Variants in TNPO1 observed in about 807,000 individuals in gnomAD.
TNPO1 encodes the protein transportin-1.
TNPO1 carries 8 observed loss-of-function variants against 119.5 expected under a neutral mutation model. The observed-to-expected ratio is 0.07, with a 90% CI of 0.04 to 0.12. The LOEUF (loss-of-function observed/expected upper bound fraction) is 0.12. Among genes scored for constraint, TNPO1 ranks in the 10% least tolerant of loss-of-function variants. The pLI, the probability that TNPO1 is intolerant of heterozygous loss-of-function variation, is 1.00. For missense variants in TNPO1, 576 were observed against 1,089.8 expected, an observed-to-expected ratio of 0.53 and a Z score of 6.64; for synonymous variants, 362 against 363.0, an observed-to-expected ratio of 1.00 and a Z score of 0.03.
intron 2 of TNPO1, 74 bp from the exon 3 acceptor site, chr5:72,851,170 A>T (rs1024434346): frequency 2.1e-6 from 2 of 932,912 alleles, no homozygotes; most frequent in Non-Finnish European, 3.4e-6. Context: ...GAGATCCTTG[A>T]TTTTTAGATT....
intron 4 of TNPO1, among the ~76,000 whole-genome samples, chr5:72,856,839 T>G (rs1252428783): frequency 6.6e-6 from 1 of 152,190 alleles, no homozygotes; most frequent in Non-Finnish European, 1.5e-5. Flanking sequence ...CAACTGGCTA[T>G]TGGTTAACAC....
intron 13 of TNPO1, 37 bp from the exon 14 acceptor site, chr5:72,889,749 C>G (rs755095189): frequency 6.5e-7 from 1 of 1,541,620 alleles, no homozygotes; most frequent in Admixed American, 2.2e-5. Flanking sequence ...ATATATCTTA[C>G]AGTCAATAAG....
rs1234529430 is a variant in TNPO1 at position 72,848,254 on chromosome 5, C to T, written c.16-131C>T. ...TTCCTTCGGGGCACCTCAGGCAGGT[C>T]CGCGGCGTTTGGGGAGCGCTGGGGT... On this transcript the variant is annotated intron_variant, in intron 1 of 24. Coordinates refer to ENST00000337273, the MANE Select transcript of TNPO1 (RefSeq NM_002270.4). 3.8e-6 allele frequency: 5 copies of T among 1,305,372 alleles called. No individual in the cohort carries two copies. The East Asian group carries it at 9.5e-5, about 25-fold the overall frequency. 80.9% of individuals were successfully genotyped at this position (1,305,372 alleles called of 1,614,324 possible). A position where few individuals can be genotyped will look rare whatever the true frequency, so the allele number is the denominator to read the frequency against.
intron 12 of TNPO1, 44 bp downstream of exon 12, chr5:72,887,266 T>C (rs772990174): frequency 1.7e-6 from 2 of 1,152,380 alleles, no homozygotes; most frequent in Admixed American, 2.2e-5. Context: ...GGCTTCTTAC[T>C]ACTATTAGGT....
At chr5:72,882,047 A>G (rs1210831012) in intron 9 of TNPO1, among the ~76,000 whole-genome samples, 2 of 152,200 alleles carry the variant, frequency 1.3e-5, no homozygotes, top group Non-Finnish European at 2.9e-5. Flanking sequence ...GAAATTGTTG[A>G]TAAAGATCAT....
At chr5:72,882,574 C>A in intron 10 of TNPO1, 47 bp downstream of exon 10, 1 of 1,352,232 alleles carries the variant, frequency 7.4e-7, no homozygotes, top group Non-Finnish European at 1.0e-6. Context: ...TTTATATTGA[C>A]TTAGTACATC....
intron 3 of TNPO1, among the ~76,000 whole-genome samples, chr5:72,855,402 A>T (rs889564176): frequency 1.3e-5 from 2 of 152,182 alleles, no homozygotes; most frequent in African/African-American, 4.8e-5. Context: ...AACGAAATTA[A>T]CTCTTAAATC....
chr5:72,824,154 C>T (rs1250273727), intron 1 of TNPO1, among the ~76,000 whole-genome samples: 1 of 152,110 alleles, frequency 6.6e-6, no homozygotes. Context: ...GTACTAGGCC[C>T]CATTCTCTCT....
Position 72,887,131 on chromosome 5 carries a change from A to G in TNPO1, c.1212A>G (p.Pro404=), listed in dbSNP as rs1163051239. 1 of 1,614,058 alleles carries G rather than the reference A, an allele frequency of 6.2e-7. No individual in the cohort carries two copies. Among genetic ancestry groups the G allele is most frequent in the Admixed American group, 1.7e-5 (1 of 60,020 alleles). Residue 404 remains proline, a synonymous_variant, in exon 12 of 25, where the codon CCA becomes CCG. Coordinates refer to ENST00000337273, the MANE Select transcript of TNPO1 (RefSeq NM_002270.4). ...ATGTGTATCGTGATGAACTGCTGCC[A>G]CATATTTTGCCCCTTTTGAAAGAAT... is the stretch of plus-strand genomic sequence containing the variant. ...LANVYRDELL[P]HILPLLKELL...
intron 4 of TNPO1, among the ~76,000 whole-genome samples, chr5:72,858,868 GT>G (rs1204100902): frequency 6.6e-6 from 1 of 150,460 alleles, no homozygotes; most frequent in Admixed American, 6.6e-5. Context: ...GTATTTTATA[GT>G]TTTGTTGTTG....
chr5:72,851,492 CT>C (rs1228622495), intron 3 of TNPO1, among the ~76,000 whole-genome samples, 173 bp downstream of exon 3: 5 of 151,762 alleles, frequency 3.3e-5, no homozygotes, highest in Admixed American at 6.6e-5. Flanking sequence ...ATAAGAATTC[CT>C]TTTTTTTAAT....
chr5:72,826,018 T>C (rs929567399), intron 1 of TNPO1, among the ~76,000 whole-genome samples: 2 of 152,126 alleles, frequency 1.3e-5, no homozygotes, highest in African/African-American at 4.8e-5. Context: ...GTTCTCCCCT[T>C]ACTCACTGGC....
chr5:72,870,157 GC>G (rs1416478938), intron 6 of TNPO1, among the ~76,000 whole-genome samples: 7 of 64,148 alleles, frequency 1.1e-4, no homozygotes, highest in Admixed American at 1.0e-3. Flanking sequence ...AATACTAATT[GC>G]TTTTTTTTTT....
chr5:72,882,348 C>G, intron 9 of TNPO1, 119 bp from the exon 10 acceptor site: 1 of 670,534 alleles, frequency 1.5e-6, no homozygotes, highest in Non-Finnish European at 2.5e-6. Flanking sequence ...TGAATAAGTT[C>G]AAAGACAATA....
At chr5:72,827,929 AAAAG>A (rs1313661763) in intron 1 of TNPO1, among the ~76,000 whole-genome samples, 1 of 152,044 alleles carries the variant, frequency 6.6e-6, no homozygotes, top group Non-Finnish European at 1.5e-5. Context: ...AAAAAAAAAA[AAAAG>A]AGTTTTCTTT....
At chr5:72,901,597 T>C (rs1228769446) in intron 22 of TNPO1, among the ~76,000 whole-genome samples, 2 of 152,234 alleles carry the variant, frequency 1.3e-5, no homozygotes, top group Non-Finnish European at 2.9e-5. Flanking sequence ...TTTTAATTAT[T>C]CGGCAGTAGT....
chr5:72,853,189 G>T (rs1580396215), intron 3 of TNPO1, among the ~76,000 whole-genome samples: 1 of 152,138 alleles, frequency 6.6e-6, no homozygotes, highest in Non-Finnish European at 1.5e-5. Flanking sequence ...GGTGGCTCAC[G>T]CCTGTAATCC....
chr5:72,848,219 T>C, intron 1 of TNPO1, 166 bp from the exon 2 acceptor site: 1 of 1,244,022 alleles, frequency 8.0e-7, no homozygotes, highest in South Asian at 2.5e-5. Context: ...CGGGTTTCAC[T>C]GTCCGTGACT....
chr5:72,906,418 A>G lies in TNPO1; in HGVS notation c.*35+973A>G, dbSNP rs575138433. Among the ~76,000 whole-genome samples, 207 of 148,718 alleles carry G rather than the reference A, an allele frequency of 1.4e-3. 1 individual carries two copies. Among genetic ancestry groups the G allele is most frequent in the African/African-American group, 4.9e-3 (197 of 40,256 alleles). ...GCAATTCTCCTGCCCGAGCCTCCCA[A>G]GTAGCTGGCATTACAGGCACATGCC... is the stretch of plus-strand genomic sequence containing the variant. On this transcript the variant is annotated intron_variant, in intron 24 of 24. Coordinates refer to ENST00000337273, the MANE Select transcript of TNPO1 (RefSeq NM_002270.4).
Sources: gnomAD v4.1 joint callset for allele counts (sites outside exome capture counted in the v4.1 genomes callset) on GRCh38, gnomAD v4.1.1 for gene constraint, MANE v1.5 for transcripts, NCBI Gene and HGNC (gene_info 2026-07-23, HGNC 2026-07-21) for gene names.